DPYD: variants seen among roughly 807,000 people sequenced by gnomAD.
DPYD encodes dihydropyrimidine dehydrogenase.
A neutral mutation model predicts 116.2 loss-of-function variants in DPYD; 109 were observed. The ratio of observed to expected loss-of-function variants is 0.94; its 90% CI spans 0.80 to 1.10. The LOEUF is 1.10. Ranked by LOEUF, DPYD falls within the 50% of genes least tolerant of loss-of-function variation. The pLI, the probability that DPYD is intolerant of heterozygous loss-of-function variation, is 0.00. For synonymous variants in DPYD, 440 were observed against 432.0 expected, an observed-to-expected ratio of 1.02 and a Z score of -0.23; for missense variants, 1,302 against 1,254.5, an observed-to-expected ratio of 1.04 and a Z score of -0.57.
chr1:97,797,189 T>G (rs1430566152), intron 3 of DPYD: 2 of 152,140 alleles, frequency 1.3e-5, no homozygotes, highest in Non-Finnish European at 1.5e-5. Context: ...TTTCCTCCCC[T>G]GAAATTATTA....
chr1:97,412,896 A>G (rs2101672692), intron 14 of DPYD, among the ~76,000 whole-genome samples: 1 of 152,268 alleles, frequency 6.6e-6, no homozygotes, highest in Non-Finnish European at 1.5e-5. Context: ...CCCCCACACC[A>G]CCCTAAACGA....
intron 4 of DPYD, among the ~76,000 whole-genome samples, chr1:97,729,434 A>C (rs1289321333): frequency 1.3e-5 from 2 of 152,280 alleles, no homozygotes; most frequent in Non-Finnish European, 1.5e-5. Context: ...TATACAATAG[A>C]TTCAGTGAAC....
intron 20 of DPYD, among the ~76,000 whole-genome samples, chr1:97,161,732 C>A: frequency 8.5e-6 from 1 of 117,386 alleles, no homozygotes; most frequent in East Asian, 3.1e-4. Context: ...TCCCCCCACC[C>A]CACAACAGTC....
chr1:97,679,970 CA>C (rs1449430915), intron 7 of DPYD, among the ~76,000 whole-genome samples: 2 of 152,082 alleles, frequency 1.3e-5, no homozygotes, highest in Non-Finnish European at 1.5e-5. Flanking sequence ...TCAGACATTT[CA>C]AGGACTATTA....
At chr1:97,834,257 G>C (rs770322662) in intron 2 of DPYD, among the ~76,000 whole-genome samples, 11 of 151,886 alleles carry the variant, frequency 7.2e-5, no homozygotes, top group Non-Finnish European at 1.2e-4. Flanking sequence ...TGCCAAGCTA[G>C]AAATGAAAAC....
At chr1:97,084,268 AAC>A (rs1399970383) in intron 21 of DPYD, among the ~76,000 whole-genome samples, 1 of 151,952 alleles carries the variant, frequency 6.6e-6, no homozygotes, top group African/African-American at 2.4e-5. Context: ...TCTGAGATCT[AAC>A]ATTAGGTTAA....
intron 19 of DPYD, among the ~76,000 whole-genome samples, chr1:97,230,998 C>T (rs1045622628): frequency 2.6e-5 from 4 of 152,154 alleles, no homozygotes; most frequent in African/African-American, 9.7e-5. Context: ...TAGAAACTGA[C>T]ATTTGAATAA....
chr1:97,860,531 T>A (rs1009802693), intron 2 of DPYD, among the ~76,000 whole-genome samples: 16 of 151,986 alleles, frequency 1.1e-4, no homozygotes, highest in Non-Finnish European at 1.0e-4. Context: ...ATGCACAAAG[T>A]AAAAAATTAA....
At chr1:97,569,272 A>G (rs1158160461) in intron 11 of DPYD, among the ~76,000 whole-genome samples, 4 of 151,882 alleles carry the variant, frequency 2.6e-5, no homozygotes, top group Non-Finnish European at 4.4e-5. Context: ...TACACTATAA[A>G]ACAAACAATA....
At chr1:97,307,492 T>A (rs1157279262) in intron 16 of DPYD, among the ~76,000 whole-genome samples, 1 of 151,874 alleles carries the variant, frequency 6.6e-6, no homozygotes, top group African/African-American at 2.4e-5. Context: ...TGATCCATCA[T>A]CCTGTATTAC....
chr1:97,866,187 C>T (rs1671367553), intron 2 of DPYD, among the ~76,000 whole-genome samples: 1 of 151,958 alleles, frequency 6.6e-6, no homozygotes, highest in Admixed American at 6.6e-5. Flanking sequence ...ATTCTCCTAA[C>T]CACCTTGCCA....
intron 20 of DPYD, among the ~76,000 whole-genome samples, chr1:97,174,165 C>T (rs1308991118): frequency 6.6e-6 from 1 of 152,004 alleles, no homozygotes; most frequent in Non-Finnish European, 1.5e-5. Context: ...CAAAAGAGTC[C>T]AGCCCTGCAT....
intron 2 of DPYD, among the ~76,000 whole-genome samples, chr1:97,861,399 AT>A (rs1004322456): frequency 1.8e-4 from 27 of 151,940 alleles, no homozygotes; most frequent in South Asian, 6.2e-4. Flanking sequence ...ACAAAAAAAA[AT>A]AACTGTAAAA....
chr1:97,450,369 T>G (rs910376083), intron 13 of DPYD, 146 bp from the exon 14 acceptor site: 4 of 805,136 alleles, frequency 5.0e-6, no homozygotes, highest in Admixed American at 3.1e-5. Flanking sequence ...TAAATTAGAA[T>G]TGAACATAAA....
intron 14 of DPYD, among the ~76,000 whole-genome samples, chr1:97,443,761 G>A (rs1007005287): frequency 1.2e-4 from 18 of 152,148 alleles, no homozygotes; most frequent in African/African-American, 3.9e-4. Context: ...TTTTTTAAAC[G>A]AGTTGTCTGA....
chr1:97,268,338 C>G (rs1311757699), intron 18 of DPYD, among the ~76,000 whole-genome samples: 2 of 152,106 alleles, frequency 1.3e-5, no homozygotes, highest in Admixed American at 1.3e-4. Flanking sequence ...GACTGCCTCA[C>G]TCCCATGGCT....
chr1:97,607,508 T>TA (rs1655674597), intron 8 of DPYD, among the ~76,000 whole-genome samples: 2 of 151,690 alleles, frequency 1.3e-5, no homozygotes, highest in Non-Finnish European at 2.9e-5. Flanking sequence ...ATTTGAAAAT[T>TA]GTTAGCAAAA....
chr1:97,565,135 C>T (rs956079534), intron 11 of DPYD, among the ~76,000 whole-genome samples: 8 of 152,086 alleles, frequency 5.3e-5, no homozygotes, highest in African/African-American at 1.2e-4. Flanking sequence ...CTTCTCATAA[C>T]GGCATTTACT....
intron 8 of DPYD, among the ~76,000 whole-genome samples, chr1:97,675,579 C>A (rs1277531425): frequency 6.6e-6 from 1 of 152,060 alleles, no homozygotes; most frequent in African/African-American, 2.4e-5. Flanking sequence ...AATCAGGAAA[C>A]ATGTGAACAG....
Sources: allele counts gnomAD v4.1 joint callset (sites outside exome capture counted in the v4.1 genomes callset), GRCh38; gene constraint gnomAD v4.1.1; transcripts MANE v1.5; gene names NCBI Gene and HGNC (gene_info 2026-07-23, HGNC 2026-07-21).